Variants in PRSS23 observed in about 807,000 individuals in gnomAD.
PRSS23 encodes the protein serine protease 23, also known as protease, serine 23.
In PRSS23, 25 loss-of-function variants were observed where a neutral mutation model predicts 34.7. The observed-to-expected ratio is 0.72, with a 90% confidence interval of 0.53 to 1.01. The LOEUF (loss-of-function observed/expected upper bound fraction) is 1.01, where lower values mean the gene tolerates loss of function less well. PRSS23 is among the 50% of genes least tolerant of loss of function. The pLI, the probability that PRSS23 is intolerant of heterozygous loss-of-function variation, is 0.00. For synonymous variants in PRSS23, 176 were observed against 186.6 expected (o/e 0.94, Z 0.46); for missense variants, 445 against 475.6 (o/e 0.94, Z 0.60).
chr11:86,855,077 A>G (rs1052616622), intron 2 of PRSS23, among the ~76,000 whole-genome samples: 1 of 152,124 alleles, frequency 6.6e-6, no homozygotes, highest in Non-Finnish European at 1.5e-5. Context: ...AGGCAGGAGA[A>G]TCACTTGAAA....
chr11:86,800,500 G>A, upstream of PRSS23: 10 of 984,282 alleles, frequency 1.0e-5, no homozygotes, highest in Non-Finnish European at 1.1e-5. Context: ...GTGGCGCGGG[G>A]GGCGGACCCG....
At position 86,904,591 on chromosome 11, in the gene PRSS23, T is replaced by C. The variant is rs1424883621; in HGVS notation, c.207-46625T>C. ...CCACCTGAGCATTATTCCTCTATTC[T>C]ATGGGCTAGCAAACTTTTTCTATAA... On this transcript the variant is annotated intron_variant, in intron 2 of 2. Transcript: ENST00000533902. Among the ~76,000 whole-genome samples the C allele has an allele frequency of 3.3e-5, 5 of 152,200 alleles. No homozygotes were observed. The East Asian group carries it at 9.6e-4, about 29-fold the overall frequency.
intron 2 of PRSS23, among the ~76,000 whole-genome samples, chr11:86,841,548 AAAG>A (rs1948448846): frequency 6.6e-6 from 1 of 152,146 alleles, no homozygotes; most frequent in African/African-American, 2.4e-5. Flanking sequence ...CAAGACTAAT[AAAG>A]AAGAAAAGAA....
At chr11:86,875,497 C>A (rs565702867) in intron 2 of PRSS23, among the ~76,000 whole-genome samples, 3 of 152,218 alleles carry the variant, frequency 2.0e-5, no homozygotes, top group Non-Finnish European at 4.4e-5. Flanking sequence ...CTGGTAGGAA[C>A]GCTGACTCTT....
chr11:86,822,519 G>A (rs982155930), intron 1 of PRSS23, among the ~76,000 whole-genome samples: 2 of 151,864 alleles, frequency 1.3e-5, no homozygotes, highest in African/African-American at 4.8e-5. Flanking sequence ...TAATCTGGAG[G>A]CTGAGGTGGG....
intron 2 of PRSS23, among the ~76,000 whole-genome samples, chr11:86,835,378 A>T (rs745918369): frequency 4.6e-5 from 7 of 152,188 alleles, no homozygotes; most frequent in Non-Finnish European, 1.0e-4. Context: ...CATCCCTTGG[A>T]CCTGTGTAAG....
At chr11:86,814,170 G>A (rs1447562520), downstream of PRSS23, among the ~76,000 whole-genome samples, 1 of 152,232 alleles carries the variant, frequency 6.6e-6, no homozygotes, top group Non-Finnish European at 1.5e-5. Flanking sequence ...AAATGCCAAT[G>A]TCAAATGAAC....
chr11:86,832,050 C>A (rs1948361664), intron 2 of PRSS23, among the ~76,000 whole-genome samples: 1 of 151,778 alleles, frequency 6.6e-6, no homozygotes, highest in Non-Finnish European at 1.5e-5. Flanking sequence ...AAATGTTACT[C>A]CTAATGTCAC....
rs552451517 is a variant in PRSS23 at position 86,892,204 on chromosome 11, A to G, written c.207-59012A>G. Reference sequence around the variant, plus strand: ...ACTATTTGCCTTGTTAAAATGACCAAATGTCTCACAGGAAGAGGTGTCTAT... The same window carrying G: ...ACTATTTGCCTTGTTAAAATGACCAGATGTCTCACAGGAAGAGGTGTCTAT... On this transcript the variant is annotated intron_variant, in intron 2 of 2. Coordinates refer to the PRSS23 transcript ENST00000533902. 3.3e-5 allele frequency: 5 copies of G among 152,316 alleles called. No individual in the cohort carries two copies. The East Asian group carries it at 5.8e-4, about 18-fold the overall frequency. 9.4% of individuals were successfully genotyped at this position (152,316 alleles called of 1,614,324 possible). A position where few individuals can be genotyped will look rare whatever the true frequency, so the allele number is the denominator to read the frequency against.
At chr11:86,950,674 A>C (rs1187708616) in intron 2 of PRSS23, 1 of 208,518 alleles carries the variant, frequency 4.8e-6, no homozygotes, top group Non-Finnish European at 9.8e-6. Flanking sequence ...CACTTTTCTG[A>C]ACCCAGCGTT....
chr11:86,797,012 T>C (rs192309782), upstream of PRSS23, among the ~76,000 whole-genome samples: 475 of 152,338 alleles, frequency 3.1e-3, 1 homozygote, highest in African/African-American at 0.011. Context: ...TTTATGTCCA[T>C]TGCATACATT....
At chr11:86,870,843 T>C (rs912577624) in intron 2 of PRSS23, among the ~76,000 whole-genome samples, 2 of 152,212 alleles carry the variant, frequency 1.3e-5, no homozygotes, top group Admixed American at 6.5e-5. Context: ...CAATTGTCAT[T>C]TGGTTTTTAT....
At chr11:86,873,299 T>A (rs1337846437) in intron 2 of PRSS23, among the ~76,000 whole-genome samples, 6 of 150,014 alleles carry the variant, frequency 4.0e-5, no homozygotes, top group Non-Finnish European at 7.4e-5. Flanking sequence ...TATATATATT[T>A]TTTTTCTTTT....
intron 2 of PRSS23, among the ~76,000 whole-genome samples, chr11:86,827,688 G>C (rs1449450196): frequency 6.6e-6 from 1 of 152,108 alleles, no homozygotes; most frequent in Non-Finnish European, 1.5e-5. Context: ...ATTCTGGTAT[G>C]TTGTGTCTTT....
At chr11:86,842,239 A>T (rs535171907) in intron 2 of PRSS23, among the ~76,000 whole-genome samples, 1 of 152,362 alleles carries the variant, frequency 6.6e-6, no homozygotes, top group South Asian at 2.1e-4. Context: ...ACAGACCTTC[A>T]TGCTAAAAAC....
chr11:86,829,987 C>G (rs1948338136), intron 2 of PRSS23, among the ~76,000 whole-genome samples: 1 of 152,206 alleles, frequency 6.6e-6, no homozygotes, highest in African/African-American at 2.4e-5. Flanking sequence ...AGATCTCCAG[C>G]TGCGTGCTGG....
chr11:86,876,781 C>T (rs75984824), intron 2 of PRSS23, among the ~76,000 whole-genome samples: 5,948 of 151,842 alleles, frequency 0.039, 146 homozygotes, highest in Middle Eastern at 0.12. Context: ...ACCTATGGGC[C>T]CATGCAAAAT....
intron 2 of PRSS23, among the ~76,000 whole-genome samples, chr11:86,842,759 A>G (rs1287786667): frequency 2.6e-5 from 4 of 152,246 alleles, no homozygotes; most frequent in Non-Finnish European, 5.9e-5. Flanking sequence ...TCACTGCTCA[A>G]CGAAATAAAA....
chr11:86,830,052 G>T (rs1948338697), intron 2 of PRSS23, among the ~76,000 whole-genome samples: 1 of 152,224 alleles, frequency 6.6e-6, no homozygotes, highest in Non-Finnish European at 1.5e-5. Flanking sequence ...GTCTGCAGAG[G>T]TTACTGCTGT....
Sources: allele counts gnomAD v4.1 joint callset (sites outside exome capture counted in the v4.1 genomes callset), GRCh38; gene constraint gnomAD v4.1.1; transcripts MANE v1.5; gene names NCBI Gene and HGNC (gene_info 2026-07-23, HGNC 2026-07-21).